The following NR3C2 variants were observed in gnomAD, a reference collection of about 807,000 sequenced individuals.
NR3C2 encodes nuclear receptor subfamily 3 group C member 2, also known as mineralocorticoid receptor.
Under a neutral mutation model 86.4 loss-of-function variants are expected in NR3C2, and 15 were observed. The ratio of observed to expected loss-of-function variants is 0.17; its 90% CI spans 0.12 to 0.27. NR3C2 has a LOEUF of 0.27. NR3C2 is among the 10% of genes least tolerant of loss of function. NR3C2 has a pLI of 1.00. For synonymous variants in NR3C2, 458 were observed against 450.5 expected (o/e 1.02, Z -0.21); for missense variants, 960 against 1,195.6 (o/e 0.80, Z 2.91).
chr4:148,320,446 G>A (rs1473813738), intron 2 of NR3C2, among the ~76,000 whole-genome samples: 2 of 129,040 alleles, frequency 1.5e-5, no homozygotes, highest in East Asian at 4.7e-4. Context: ...GTTTCAGAAG[G>A]AATGGTACCA....
chr4:148,166,343 C>T (rs1454019321), intron 4 of NR3C2, among the ~76,000 whole-genome samples: 1 of 152,204 alleles, frequency 6.6e-6, no homozygotes, highest in Non-Finnish European at 1.5e-5. Context: ...CAGGGCACTG[C>T]CGAGGACCTG....
At chr4:148,130,780 T>C (rs890201767) in intron 6 of NR3C2, among the ~76,000 whole-genome samples, 3 of 150,270 alleles carry the variant, frequency 2.0e-5, no homozygotes, top group Admixed American at 6.6e-5. Flanking sequence ...GGCCTCTCAA[T>C]GAACACGTTT....
intron 2 of NR3C2, among the ~76,000 whole-genome samples, chr4:148,325,155 A>AGTGT (rs57080333): frequency 6.6e-6 from 1 of 151,438 alleles, no homozygotes. Context: ...AGAGAGACAG[A>AGTGT]GTGTGTGTGT....
At position 148,136,177 on chromosome 4, in the gene NR3C2, T is replaced by A. The variant is rs1247969518; in HGVS notation, c.2511-15889A>T. The stretch of plus-strand genomic sequence containing the variant: ...GGAAAAGTCTGTAAAAGTCTTAGCA[T>A]GCCTAATTTCAAAGGCAAGACAATG... On this transcript the variant is annotated intron_variant, in intron 6 of 8. Coordinates refer to ENST00000358102, the MANE Select transcript of NR3C2 (RefSeq NM_000901.5). 2.0e-5 allele frequency among the ~76,000 whole-genome samples: 3 copies of A among 151,674 alleles called. No homozygotes were observed. In the South Asian group the frequency reaches 6.2e-4, roughly 32 times the overall value.
At chr4:148,321,211 G>A (rs1214338275) in intron 2 of NR3C2, among the ~76,000 whole-genome samples, 2 of 128,780 alleles carry the variant, frequency 1.6e-5, no homozygotes, top group African/African-American at 2.5e-5. Flanking sequence ...TTAATCCTGA[G>A]TTCTAGTTTG....
chr4:148,139,973 C>T (rs1441947871), intron 6 of NR3C2, among the ~76,000 whole-genome samples: 1 of 152,162 alleles, frequency 6.6e-6, no homozygotes, highest in African/African-American at 2.4e-5. Flanking sequence ...TGTCTAAAGA[C>T]ATAAGTTCAT....
At chr4:148,237,233 T>C (rs1328422856) in intron 3 of NR3C2, among the ~76,000 whole-genome samples, 2 of 152,102 alleles carry the variant, frequency 1.3e-5, no homozygotes, top group Non-Finnish European at 2.9e-5. Context: ...ACAATTTAAC[T>C]TTTTAAGAGA....
At chr4:148,351,813 T>A (rs1253433888) in intron 2 of NR3C2, among the ~76,000 whole-genome samples, 1 of 152,190 alleles carries the variant, frequency 6.6e-6, no homozygotes, top group Non-Finnish European at 1.5e-5. Context: ...GATAAATGCC[T>A]ACCTACAAGG....
chr4:148,337,279 C>T (rs1379048252), intron 2 of NR3C2, among the ~76,000 whole-genome samples: 1 of 152,062 alleles, frequency 6.6e-6, no homozygotes. Context: ...GACATTGTTT[C>T]TTTTTTCTAC....
chr4:148,283,397 A>G (rs1396945212), intron 2 of NR3C2, among the ~76,000 whole-genome samples: 2 of 152,242 alleles, frequency 1.3e-5, no homozygotes, highest in African/African-American at 4.8e-5. Flanking sequence ...TGTTCCCTTC[A>G]TGCCAAGTTT....
intron 4 of NR3C2, among the ~76,000 whole-genome samples, chr4:148,189,312 T>G (rs1447062826): frequency 6.6e-6 from 1 of 152,214 alleles, no homozygotes; most frequent in African/African-American, 2.4e-5. Context: ...TTTTTTTGTT[T>G]TTAATTCTGT....
intron 2 of NR3C2, among the ~76,000 whole-genome samples, chr4:148,359,012 T>C (rs1055265344): frequency 6.6e-6 from 1 of 152,080 alleles, no homozygotes; most frequent in African/African-American, 2.4e-5. Context: ...TTTTCAAGCA[T>C]CGTTCATTCA....
chr4:148,434,222 A>G (rs1749930178), intron 2 of NR3C2, among the ~76,000 whole-genome samples: 1 of 152,202 alleles, frequency 6.6e-6, no homozygotes, highest in African/African-American at 2.4e-5. Flanking sequence ...AATTTATCAC[A>G]ACCATGTAAT....
In NR3C2 at chr4:148,383,649, G is replaced by T. The variant is rs572806520; in HGVS notation, c.1757+51455C>A. Among the ~76,000 whole-genome samples, 3 of 151,986 alleles carry T rather than the reference G, an allele frequency of 2.0e-5. No homozygotes were observed. The East Asian group carries it at 5.8e-4, about 29-fold the overall frequency. On this transcript the variant is annotated intron_variant, in intron 2 of 8. Coordinates refer to ENST00000358102, the MANE Select transcript of NR3C2 (RefSeq NM_000901.5). ...CCAAGGACACAGTTTAACTTCACAG[G>T]GTCTGTAAATAAGCACCTTTTGGAC...
chr4:148,422,951 C>G (rs35118070), intron 2 of NR3C2, among the ~76,000 whole-genome samples: 14 of 152,142 alleles, frequency 9.2e-5, no homozygotes, highest in African/African-American at 3.1e-4. Context: ...TTCCTATACT[C>G]CTTGGCAATC....
chr4:148,398,862 T>C (rs891169501), intron 2 of NR3C2, among the ~76,000 whole-genome samples: 2 of 152,176 alleles, frequency 1.3e-5, no homozygotes, highest in Admixed American at 6.5e-5. Context: ...ATTGTGTACA[T>C]GTGCATGCGC....
At chr4:148,308,875 T>A (rs1411216678) in intron 2 of NR3C2, among the ~76,000 whole-genome samples, 1 of 152,034 alleles carries the variant, frequency 6.6e-6, no homozygotes, top group African/African-American at 2.4e-5. Flanking sequence ...CCCAGCTACT[T>A]GGGAGGCTGA....
intron 2 of NR3C2, among the ~76,000 whole-genome samples, chr4:148,395,277 T>C (rs905021296): frequency 1.3e-5 from 2 of 152,140 alleles, no homozygotes; most frequent in Admixed American, 1.3e-4. Flanking sequence ...CAAAGAAATG[T>C]TACTCTTATG....
At chr4:148,443,707 T>G (rs1228095270), upstream of NR3C2, among the ~76,000 whole-genome samples, 2 of 151,866 alleles carry the variant, frequency 1.3e-5, no homozygotes, top group Non-Finnish European at 2.9e-5. Flanking sequence ...CCCCCGGCCC[T>G]CGGCGACCCG....
Sources: gnomAD v4.1 joint callset for allele counts (sites outside exome capture counted in the v4.1 genomes callset) on GRCh38, gnomAD v4.1.1 for gene constraint, MANE v1.5 for transcripts, NCBI Gene and HGNC (gene_info 2026-07-23, HGNC 2026-07-21) for gene names.